Variants in BICC1 observed in about 807,000 individuals in gnomAD.
BICC1 encodes BicC family RNA binding protein 1.
BICC1 carries 43 observed loss-of-function variants against 111.0 expected under a neutral mutation model. That is an observed-to-expected ratio of 0.39 (90% CI 0.30 to 0.50). BICC1 has a LOEUF of 0.50. Among genes scored for constraint, BICC1 ranks in the 20% least tolerant of loss-of-function variants. BICC1 has a pLI of 0.88. For synonymous variants in BICC1, 467 were observed against 434.4 expected (o/e 1.07, Z -0.93); for missense variants, 1,091 against 1,203.2 (o/e 0.91, Z 1.38).
In BICC1 at chr10:58,798,382, A is replaced by G. The variant is rs367940391; in HGVS notation, c.1367-17A>G. On this transcript the variant is annotated splice_polypyrimidine_tract_variant and intron_variant, in intron 10 of 20. Coordinates refer to ENST00000373886, the MANE Select transcript of BICC1 (RefSeq NM_001080512.3). ...TTAAATTTATGTGAATTGACTTTAT[A>G]TATTCATTTATTACAGGTCTTTTGG... 5.2e-6 allele frequency: 8 copies of G among 1,533,196 alleles called. No homozygotes were observed. Among genetic ancestry groups the G allele is most frequent in the Non-Finnish European group, 6.1e-6 (7 of 1,143,650 alleles). The allele number at this position is 1,533,196 out of a possible 1,614,324, so 95.0% of individuals were successfully genotyped here. A position where few individuals can be genotyped will look rare whatever the true frequency, so the allele number is the denominator to read the frequency against.
chr10:58,545,301 A>G (rs1479920725), intron 1 of BICC1, among the ~76,000 whole-genome samples: 1 of 152,184 alleles, frequency 6.6e-6, no homozygotes, highest in Non-Finnish European at 1.5e-5. Context: ...TAAAGAAAAA[A>G]GGAAAAAAAG....
chr10:58,521,768 GTTTTTTTTTTTTTTTTTTTTT>G lies in BICC1; in HGVS notation c.190+8453_190+8473del, dbSNP rs573116230. Among the ~76,000 whole-genome samples the G allele has an allele frequency of 1.1e-3, 121 of 112,798 alleles. 8 individuals are homozygous for G. The highest frequency in any genetic ancestry group is 1.6e-3 in the East Asian group (6 of 3,696). 74.0% of individuals were successfully genotyped at this position (112,798 alleles called of 152,430 possible). A position where few individuals can be genotyped will look rare whatever the true frequency, so the allele number is the denominator to read the frequency against. On this transcript the variant is annotated intron_variant, in intron 1 of 20. Coordinates refer to ENST00000373886, the MANE Select transcript of BICC1 (RefSeq NM_001080512.3). ...ATGAAAATCAGCCAGGGAATGTGGT[GTTTTTTTTTTTTTTTTTTTTT>G]TTTTTTTTTTTTTTTTTGAGGGAGT... is the stretch of plus-strand genomic sequence containing the variant.
intron 10 of BICC1, 57 bp from the exon 11 acceptor site, chr10:58,798,342 C>T: frequency 7.5e-7 from 1 of 1,339,752 alleles, no homozygotes; most frequent in African/African-American, 1.5e-5. Context: ...TTGGTGCCAT[C>T]TCTATTTTAA....
At chr10:58,625,216 C>T (rs1175089783) in intron 2 of BICC1, among the ~76,000 whole-genome samples, 4 of 152,150 alleles carry the variant, frequency 2.6e-5, no homozygotes, top group Non-Finnish European at 5.9e-5. Flanking sequence ...GTTCTTTGGG[C>T]AGTTGTTCAT....
intron 3 of BICC1, among the ~76,000 whole-genome samples, chr10:58,738,109 A>C (rs1841532974): frequency 6.6e-6 from 1 of 152,062 alleles, no homozygotes; most frequent in African/African-American, 2.4e-5. Flanking sequence ...CCCATTTGTC[A>C]ATTTTGGCTT....
At chr10:58,537,814 A>G (rs12259990) in intron 1 of BICC1, among the ~76,000 whole-genome samples, 74,329 of 151,604 alleles carry the variant, frequency 0.49, 18,467 homozygotes, top group South Asian at 0.55. Context: ...ATAAATCAGT[A>G]GCAATGCTAT....
chr10:58,673,786 C>T (rs78831066), intron 2 of BICC1, among the ~76,000 whole-genome samples: 1 of 138,294 alleles, frequency 7.2e-6, no homozygotes, highest in Non-Finnish European at 1.5e-5. Context: ...CCACGCCCAG[C>T]TTTTTTTTTT....
chr10:58,695,482 T>G (rs1479769863), intron 2 of BICC1, among the ~76,000 whole-genome samples: 1 of 152,194 alleles, frequency 6.6e-6, no homozygotes, highest in African/African-American at 2.4e-5. Context: ...GGTAGCCATT[T>G]TGAATGATGA....
intron 2 of BICC1, among the ~76,000 whole-genome samples, chr10:58,648,837 T>G (rs1168270784): frequency 6.6e-6 from 1 of 152,214 alleles, no homozygotes; most frequent in Non-Finnish European, 1.5e-5. Flanking sequence ...CATGTTAGTA[T>G]CACATGATTT....
At chr10:58,676,689 A>C (rs1839352982) in intron 2 of BICC1, among the ~76,000 whole-genome samples, 1 of 152,208 alleles carries the variant, frequency 6.6e-6, no homozygotes, top group South Asian at 2.1e-4. Flanking sequence ...ACAGCGTTCA[A>C]GCTCTGCTAA....
At chr10:58,525,526 C>T (rs1842508649) in intron 1 of BICC1, among the ~76,000 whole-genome samples, 2 of 126,548 alleles carry the variant, frequency 1.6e-5, no homozygotes, top group Non-Finnish European at 3.2e-5. Context: ...AACACGTGGA[C>T]ACAGGAAGGG....
At chr10:58,787,870 G>A (rs1843057292) in intron 5 of BICC1, among the ~76,000 whole-genome samples, 1 of 152,146 alleles carries the variant, frequency 6.6e-6, no homozygotes, top group Non-Finnish European at 1.5e-5. Context: ...ACAATGCCAA[G>A]ACTAACACCT....
At chr10:58,626,472 G>A (rs1345646859) in intron 2 of BICC1, among the ~76,000 whole-genome samples, 1 of 152,110 alleles carries the variant, frequency 6.6e-6, no homozygotes, top group African/African-American at 2.4e-5. Context: ...TGAGAATGGA[G>A]CTTATTTTTA....
At chr10:58,641,888 T>C (rs1416009143) in intron 2 of BICC1, among the ~76,000 whole-genome samples, 1 of 152,190 alleles carries the variant, frequency 6.6e-6, no homozygotes, top group South Asian at 2.1e-4. Flanking sequence ...TCACATTGTG[T>C]TGGAATGTGA....
intron 1 of BICC1, among the ~76,000 whole-genome samples, chr10:58,524,123 G>C (rs528616062): frequency 6.6e-6 from 1 of 152,074 alleles, no homozygotes; most frequent in Non-Finnish European, 1.5e-5. Context: ...TGGCCATACT[G>C]CCCAAGGTAA....
At position 58,705,382 on chromosome 10, in the gene BICC1, A is replaced by T. The variant is rs75659994; in HGVS notation, c.307+3239A>T. On this transcript the variant is annotated intron_variant, in intron 3 of 20. Coordinates refer to ENST00000373886, the MANE Select transcript of BICC1 (RefSeq NM_001080512.3). ...CATCTATAGAACTGCATTTTTATGG[A>T]TGCATTAATTTCATTTTTCTATCAT... Among the ~76,000 whole-genome samples the T allele has an allele frequency of 3.1e-4, 47 of 152,164 alleles. 1 individual carries two copies. In the East Asian group the frequency reaches 9.1e-3, roughly 29 times the overall value.
intron 3 of BICC1, among the ~76,000 whole-genome samples, chr10:58,712,417 C>T (rs1473914269): frequency 1.3e-5 from 2 of 152,150 alleles, no homozygotes; most frequent in African/African-American, 4.8e-5. Flanking sequence ...AAGCTTATAG[C>T]AGCTTTATTT....
rs183640296 is a variant in BICC1 at position 58,644,027 on chromosome 10, A to G, written c.237+23126A>G. On this transcript the variant is annotated intron_variant, in intron 2 of 20. Transcript: ENST00000373886. ...ATATGACTTAAATCAGTTCTAAAAA[A>G]GTTAGAAATTTTTTTGGAATATCTA... Among the ~76,000 whole-genome samples, 203 of 152,266 alleles carry G rather than the reference A, an allele frequency of 1.3e-3. 1 individual carries two copies. Among genetic ancestry groups the G allele is most frequent in the East Asian group, 5.4e-3 (28 of 5,186 alleles).
At chr10:58,554,921 T>C (rs1351241810) in intron 1 of BICC1, among the ~76,000 whole-genome samples, 1 of 151,864 alleles carries the variant, frequency 6.6e-6, no homozygotes, top group African/African-American at 2.4e-5. Flanking sequence ...TCTTGTAAGC[T>C]TAATTCTGTT....
Sources: allele counts gnomAD v4.1 joint callset (sites outside exome capture counted in the v4.1 genomes callset), GRCh38; gene constraint gnomAD v4.1.1; transcripts MANE v1.5; gene names NCBI Gene and HGNC (gene_info 2026-07-23, HGNC 2026-07-21).